HECTD4: variants seen among roughly 807,000 people sequenced by gnomAD.
HECTD4 encodes the protein probable E3 ubiquitin-protein ligase HECTD4.
HECTD4 carries 114 observed loss-of-function variants against 471.5 expected under a neutral mutation model. The observed-to-expected ratio is 0.24, with a 90% confidence interval of 0.21 to 0.28. HECTD4 has a LOEUF of 0.28. Ranked by LOEUF, HECTD4 falls within the 10% of genes least tolerant of loss-of-function variation. The probability of loss-of-function intolerance (pLI) is 1.00; values close to 1 mark genes in which losing one functional copy is unlikely to be tolerated. For synonymous variants in HECTD4, 2,012 were observed against 2,256.0 expected, an observed-to-expected ratio of 0.89 and a Z score of 3.07; for missense variants, 3,866 against 5,651.5, an observed-to-expected ratio of 0.68 and a Z score of 10.13.
In HECTD4 at chr12:112,176,656, G is replaced by A; in HGVS notation, c.11410C>T (p.Pro3804Ser). ...TTTTCATCTGGTTTGCTCTTTTCTG[G>A]TGATTTTGGCTTCACAGTTGGCTTC... ...EKKPTVKPKS[P>S]EKSKPDEKDP... The change falls in exon 65 of 76, where the codon CCA becomes TCA. Residue 3804 changes from proline to serine, a missense_variant. Around this residue, in one of 16 missense-constraint regions of HECTD4, gnomAD observed 715 missense variants for 1,087.6 expected, o/e 0.66. Coordinates refer to ENST00000682272, the MANE Select transcript of HECTD4 (RefSeq NM_001388303.1). 6.2e-7 allele frequency: 1 copy of A among 1,613,968 alleles called. No homozygotes were observed.
rs1023111945 is a variant in HECTD4 at position 112,192,821 on chromosome 12, C to G, written c.9087-56G>C. 2.2e-5 allele frequency: 32 copies of G among 1,431,158 alleles called. No individual in the cohort carries two copies. In the South Asian group the frequency reaches 3.1e-4, roughly 14 times the overall value. 88.7% of individuals were successfully genotyped at this position (1,431,158 alleles called of 1,614,324 possible). On this transcript the variant is annotated intron_variant, in intron 58 of 75. Coordinates refer to ENST00000682272, the MANE Select transcript of HECTD4 (RefSeq NM_001388303.1). The stretch of plus-strand genomic sequence containing the variant: ...CAGGGTCTAGCCATGCACATGGGGA[C>G]AGGCAGCTTTGCCTTCTCACCAGGG...
At chr12:112,360,566 T>C (rs1457368172) in intron 1 of HECTD4, among the ~76,000 whole-genome samples, 1 of 152,204 alleles carries the variant, frequency 6.6e-6, no homozygotes, top group Non-Finnish European at 1.5e-5. Context: ...TATTAAAATA[T>C]ATACCAGAAA....
intron 7 of HECTD4, among the ~76,000 whole-genome samples, chr12:112,287,291 C>T (rs954029380): frequency 1.3e-5 from 2 of 152,132 alleles, no homozygotes; most frequent in Non-Finnish European, 2.9e-5. Flanking sequence ...CTAATATAAG[C>T]TCCACGAAAA....
intron 7 of HECTD4, among the ~76,000 whole-genome samples, chr12:112,286,564 C>T (rs1439021989): frequency 2.0e-5 from 3 of 151,986 alleles, no homozygotes; most frequent in Non-Finnish European, 4.4e-5. Flanking sequence ...CAGTGGCACA[C>T]GCCTGTAGTC....
At chr12:112,241,060 T>A (rs762433690) in intron 32 of HECTD4, among the ~76,000 whole-genome samples, 6 of 152,190 alleles carry the variant, frequency 3.9e-5, no homozygotes, top group Non-Finnish European at 8.8e-5. Flanking sequence ...ACAGAACCAC[T>A]AAGAACACTA....
At chr12:112,336,934 T>C (rs1031655938) in intron 1 of HECTD4, among the ~76,000 whole-genome samples, 7 of 152,244 alleles carry the variant, frequency 4.6e-5, no homozygotes, top group Non-Finnish European at 8.8e-5. Context: ...TGAATGATTA[T>C]GATCACTGGC....
rs1381497092 is a variant in HECTD4, at chr12:112,212,494, T to A, written c.7622A>T (p.Gln2541Leu). ...SGGMWPVVHIQKKNTKTRANF... is the reference protein window; with the variant it reads ...SGGMWPVVHILKKNTKTRANF... Reference sequence around the variant, plus strand: ...CCCAACAAGGTAACCTGCCTTTTTCTGAATGTGAACCACTGGCCACATGCC... The same window carrying A: ...CCCAACAAGGTAACCTGCCTTTTTCAGAATGTGAACCACTGGCCACATGCC... The change falls in exon 49 of 76, where the codon CAG (glutamine) becomes CTG (leucine). Residue 2541 changes from glutamine (Q) to leucine (L), a missense_variant. Around this residue, in one of 16 missense-constraint regions of HECTD4, gnomAD observed 617 missense variants for 915.1 expected, o/e 0.67. Transcript: ENST00000682272. The A allele has an allele frequency of 6.2e-7, 1 of 1,609,512 alleles. No individual in the cohort carries two copies. Among genetic ancestry groups the A allele is most frequent in the Non-Finnish European group, 8.5e-7 (1 of 1,177,222 alleles).
At chr12:112,229,419 C>T (rs1284435592) in intron 41 of HECTD4, among the ~76,000 whole-genome samples, 1 of 152,146 alleles carries the variant, frequency 6.6e-6, no homozygotes, top group Non-Finnish European at 1.5e-5. Context: ...TGTTTTCCTT[C>T]CATTCTAATT....
chr12:112,204,537 C>T lies in HECTD4; in HGVS notation c.8218G>A (p.Glu2740Lys). ...TTGTTTGCTTCGTCTTTAATGTCTT[C>T]AATGGTGGGAAGATAAAGGTCTCTT... ...IPRDLYLPTI[E>K]DIKDEANKFT... Residue 2740 changes from glutamate (E) to lysine (K), a missense_variant, in exon 53 of 76, where the codon GAA becomes AAA. Transcript: ENST00000682272. The T allele has an allele frequency of 6.2e-7, 1 of 1,613,744 alleles. No individual in the cohort carries two copies. Among genetic ancestry groups the T allele is most frequent in the Non-Finnish European group, 8.5e-7 (1 of 1,179,672 alleles).
At position 112,244,023 on chromosome 12, in the gene HECTD4, GA is replaced by G. The variant is rs745729463; in HGVS notation, c.4514-15del. 2.5e-6 allele frequency: 4 copies of G among 1,612,816 alleles called. No individual in the cohort carries two copies. In the African/African-American group the frequency reaches 5.4e-5, roughly 22 times the overall value. On this transcript the variant is annotated splice_polypyrimidine_tract_variant and intron_variant, in intron 29 of 75. Transcript: ENST00000682272. ...CTGATTTACAAGCTAGAAAAAAAAG[GA>G]ATAAAAAGGCTGACATTTCTGCTAT...
rs190389025 is a variant in HECTD4, at chr12:112,301,638, T to G, written c.1335+4426A>C. On this transcript the variant is annotated intron_variant, in intron 7 of 75. Transcript: ENST00000682272. ...TTATCTACTTGTCCTTTCTGAAATA[T>G]TTCTTAACTCTTTCGATAATCATAG... Among the ~76,000 whole-genome samples, 429 of 152,338 alleles carry G rather than the reference T, an allele frequency of 2.8e-3. 5 individuals are homozygous for G. The highest frequency in any genetic ancestry group is 9.6e-3 in the African/African-American group (399 of 41,570).
At chr12:112,339,040 G>C (rs985648840) in intron 1 of HECTD4, among the ~76,000 whole-genome samples, 3 of 152,014 alleles carry the variant, frequency 2.0e-5, no homozygotes, top group Admixed American at 6.6e-5. Flanking sequence ...AACATTTACA[G>C]GTTGCAGGGA....
intron 40 of HECTD4, 92 bp downstream of exon 40, chr12:112,230,595 T>C (rs900631610): frequency 1.4e-6 from 2 of 1,436,992 alleles, no homozygotes; most frequent in African/African-American, 2.9e-5. Flanking sequence ...TTGGAAAATT[T>C]CTCTTTACTG....
Position 112,252,611 on chromosome 12 carries a change from C to G in HECTD4, c.3448-83G>C, listed in dbSNP as rs1324756767. 8 of 1,484,858 alleles carry G rather than the reference C, an allele frequency of 5.4e-6. No individual in the cohort carries two copies. In the African/African-American group the frequency reaches 7.1e-5, roughly 13 times the overall value. The allele number at this position is 1,484,858 out of a possible 1,614,324, so 92.0% of individuals were successfully genotyped here. ...AAGAGCAATGAATTTCAGAGGTTTACTTTCAAAAAGGACCACAGCAATATT... is the reference window on the plus strand; with the variant it reads ...AAGAGCAATGAATTTCAGAGGTTTAGTTTCAAAAAGGACCACAGCAATATT... On this transcript the variant is annotated intron_variant, in intron 22 of 75. Transcript: ENST00000682272.
intron 32 of HECTD4, among the ~76,000 whole-genome samples, chr12:112,240,647 C>T (rs1001338572): frequency 2.6e-5 from 4 of 151,994 alleles, no homozygotes; most frequent in East Asian, 1.9e-4. Context: ...GATGATGTTT[C>T]GCTATGTTGC....
At chr12:112,267,062 T>C (rs2034292329) in intron 13 of HECTD4, 80 bp from the exon 14 acceptor site, 4 of 827,350 alleles carry the variant, frequency 4.8e-6, no homozygotes, top group Non-Finnish European at 5.9e-6. Context: ...CATATTTTTA[T>C]TAAAGATGTC....
chr12:112,197,499 CT>C (rs1362574295), intron 55 of HECTD4, among the ~76,000 whole-genome samples: 1 of 152,208 alleles, frequency 6.6e-6, no homozygotes, highest in Non-Finnish European at 1.5e-5. Flanking sequence ...CCAAAGTCTT[CT>C]TTAAAACCAC....
At chr12:112,282,095 G>T (rs1191037318) in intron 8 of HECTD4, among the ~76,000 whole-genome samples, 1 of 152,006 alleles carries the variant, frequency 6.6e-6, no homozygotes, top group African/African-American at 2.4e-5. Flanking sequence ...CTTTAAAAGT[G>T]CAGAACAGCC....
At chr12:112,192,870 A>C in intron 58 of HECTD4, 105 bp from the exon 59 acceptor site, 3 of 1,221,736 alleles carry the variant, frequency 2.5e-6, no homozygotes, top group Non-Finnish European at 3.4e-6. Context: ...AACTGGGCCC[A>C]AGTCATTTCC....
Sources: gnomAD v4.1 joint callset for allele counts (sites outside exome capture counted in the v4.1 genomes callset) on GRCh38, gnomAD v4.1.1 for gene constraint, gnomAD v4.1.1 regional missense constraint, MANE v1.5 for transcripts, NCBI Gene and HGNC (gene_info 2026-07-23, HGNC 2026-07-21) for gene names.